HFM1: variants seen among roughly 807,000 people sequenced by gnomAD.
HFM1 encodes the protein probable ATP-dependent DNA helicase HFM1.
A neutral mutation model predicts 192.1 loss-of-function variants in HFM1; 169 were observed. The observed-to-expected ratio is 0.88, with a 90% CI of 0.78 to 1.00. The LOEUF (loss-of-function observed/expected upper bound fraction) is 1.00. HFM1 is among the 50% of genes least tolerant of loss of function. The probability of loss-of-function intolerance (pLI) is 0.00; values close to 1 mark genes in which losing one functional copy is unlikely to be tolerated. For missense variants in HFM1, 1,661 were observed against 1,668.0 expected (o/e 1.00, Z 0.07); for synonymous variants, 525 against 537.8 (o/e 0.98, Z 0.33).
intron 13 of HFM1, among the ~76,000 whole-genome samples, chr1:91,364,670 G>A (rs1446219202): frequency 2.5e-4 from 29 of 115,054 alleles, no homozygotes; most frequent in Non-Finnish European, 3.5e-4. Context: ...TTGCTCTGTC[G>A]CCCAGGCTGG....
intron 38 of HFM1, chr1:91,261,773 G>C (rs1665181008): frequency 6.4e-6 from 1 of 155,534 alleles, no homozygotes; most frequent in African/African-American, 2.4e-5. Context: ...GACTCTTCAA[G>C]GAGAGAGAAA....
chr1:91,386,618 T>C (rs1236302992), intron 4 of HFM1, among the ~76,000 whole-genome samples: 4 of 152,238 alleles, frequency 2.6e-5, no homozygotes, highest in South Asian at 4.1e-4. Flanking sequence ...AGATAACTAA[T>C]GTTCCATTTA....
intron 13 of HFM1, among the ~76,000 whole-genome samples, chr1:91,359,525 T>C (rs1198425413): frequency 7.0e-6 from 1 of 143,426 alleles, no homozygotes; most frequent in Non-Finnish European, 1.5e-5. Flanking sequence ...AGATTATCTT[T>C]CTGAAATAAG....
chr1:91,377,468 T>C (rs1320897452), intron 11 of HFM1: 1 of 151,996 alleles, frequency 6.6e-6, no homozygotes, highest in Non-Finnish European at 1.5e-5. Flanking sequence ...TACTTAAAAA[T>C]TGAAGAAAAA....
At chr1:91,368,412 T>A (rs1394678299) in intron 13 of HFM1, among the ~76,000 whole-genome samples, 3 of 152,198 alleles carry the variant, frequency 2.0e-5, no homozygotes, top group African/African-American at 7.2e-5. Flanking sequence ...GCAGAAACTC[T>A]ACAAACCAGA....
chr1:91,273,271 C>CT (rs1226893063), intron 34 of HFM1, among the ~76,000 whole-genome samples: 2 of 151,992 alleles, frequency 1.3e-5, no homozygotes, highest in African/African-American at 2.4e-5. Flanking sequence ...TCAATACCTT[C>CT]ATCTTAAAGA....
At chr1:91,339,583 C>T (rs766991695) in intron 20 of HFM1, among the ~76,000 whole-genome samples, 2 of 151,700 alleles carry the variant, frequency 1.3e-5, no homozygotes, top group African/African-American at 2.4e-5. Context: ...TCTACTCAGT[C>T]AGAGAAAAAT....
intron 11 of HFM1, 46 bp downstream of exon 11, chr1:91,377,967 GACTAAATATTTC>G: frequency 6.9e-7 from 1 of 1,449,124 alleles, no homozygotes; most frequent in South Asian, 1.2e-5. Flanking sequence ...TGATCAAGAT[GACTAAATATTTC>G]ACAAGTCATA....
intron 30 of HFM1, among the ~76,000 whole-genome samples, chr1:91,302,189 T>A (rs574529857): frequency 1.3e-5 from 2 of 151,610 alleles, no homozygotes; most frequent in South Asian, 4.2e-4. Context: ...AAAATGCTCA[T>A]CATGATTGGC....
At chr1:91,267,936 G>A in intron 34 of HFM1, 81 bp from the exon 35 acceptor site, 1 of 742,468 alleles carries the variant, frequency 1.3e-6, no homozygotes. Context: ...GAAGAACACT[G>A]TTTGAGAGAC....
intron 20 of HFM1, chr1:91,328,913 G>A (rs1000655356): frequency 2.2e-5 from 36 of 1,610,958 alleles, no homozygotes; most frequent in Non-Finnish European, 2.7e-5. Context: ...TGTGGCTACC[G>A]AGGACATGGA....
At chr1:91,346,026 G>C (rs1052674930) in intron 19 of HFM1, among the ~76,000 whole-genome samples, 2 of 152,114 alleles carry the variant, frequency 1.3e-5, no homozygotes, top group African/African-American at 4.8e-5. Flanking sequence ...ACACAACTTT[G>C]ATTAAATAAA....
At chr1:91,306,281 G>A (rs555824473) in intron 30 of HFM1, among the ~76,000 whole-genome samples, 3 of 152,272 alleles carry the variant, frequency 2.0e-5, no homozygotes, top group Admixed American at 1.3e-4. Flanking sequence ...ATGGTGAGCC[G>A]AGATTGCACC....
At chr1:91,401,135 ATATTT>A in intron 1 of HFM1, 26 bp from the exon 2 acceptor site, 1 of 976,672 alleles carries the variant, frequency 1.0e-6, no homozygotes, top group Non-Finnish European at 1.5e-6. Context: ...AAAGTAGTTT[ATATTT>A]TATTTATAAA....
At chr1:91,366,152 C>T (rs1012091281) in intron 13 of HFM1, among the ~76,000 whole-genome samples, 10 of 152,030 alleles carry the variant, frequency 6.6e-5, no homozygotes, top group Non-Finnish European at 1.0e-4. Flanking sequence ...ACAAAATTAG[C>T]TAATTTGTTC....
rs563358331 is a variant in HFM1, at chr1:91,265,426, TGGAG to T, written c.3974+587_3974+590del. On this transcript the variant is annotated intron_variant, in intron 36 of 38. Coordinates refer to ENST00000370425, the MANE Select transcript of HFM1 (RefSeq NM_001017975.6). ...CATTGCCTGCACAGTAACAACTGCT[TGGAG>T]CTGAGTAGTGGCTGCTCCCTTTAGA... Among the ~76,000 whole-genome samples the T allele has an allele frequency of 2.0e-5, 3 of 152,236 alleles. No individual in the cohort carries two copies. The South Asian group carries it at 6.2e-4, about 32-fold the overall frequency.
intron 13 of HFM1, among the ~76,000 whole-genome samples, chr1:91,371,897 A>T (rs1168148083): frequency 2.0e-5 from 3 of 152,184 alleles, no homozygotes; most frequent in Non-Finnish European, 4.4e-5. Flanking sequence ...ACAAGAAAAA[A>T]ACAAACAACC....
chr1:91,385,441 A>G (rs1662078332), intron 5 of HFM1, 134 bp downstream of exon 5: 1 of 775,226 alleles, frequency 1.3e-6, no homozygotes, highest in South Asian at 1.9e-5. Context: ...AAATAATGCA[A>G]TATAATAAAA....
intron 7 of HFM1, 37 bp from the exon 8 acceptor site, chr1:91,380,273 G>A (rs766938228): frequency 1.6e-6 from 2 of 1,290,270 alleles, no homozygotes; most frequent in Non-Finnish European, 2.1e-6. Flanking sequence ...GTAACATATA[G>A]ACTTTTTCAC....
Sources: allele counts gnomAD v4.1 joint callset (sites outside exome capture counted in the v4.1 genomes callset), GRCh38; gene constraint gnomAD v4.1.1; transcripts MANE v1.5; gene names NCBI Gene and HGNC (gene_info 2026-07-23, HGNC 2026-07-21).